NPRL3: variants seen among roughly 807,000 people sequenced by gnomAD.
NPRL3 encodes the protein GATOR1 complex protein NPRL3.
NPRL3 carries 23 observed loss-of-function variants against 57.2 expected under a neutral mutation model. The ratio of observed to expected loss-of-function variants is 0.40; its 90% confidence interval spans 0.29 to 0.57. The LOEUF is 0.57. Ranked by LOEUF, NPRL3 falls within the 20% of genes least tolerant of loss-of-function variation. The pLI is 0.42. For synonymous variants in NPRL3, 333 were observed against 321.1 expected, an observed-to-expected ratio of 1.04 and a Z score of -0.39; for missense variants, 691 against 767.1, an observed-to-expected ratio of 0.90 and a Z score of 1.17.
At chr16:92,078 G>A (rs986221238) in intron 11 of NPRL3, among the ~76,000 whole-genome samples, 5 of 152,140 alleles carry the variant, frequency 3.3e-5, no homozygotes, top group Admixed American at 2.6e-4. Flanking sequence ...GTCCTCTCTA[G>A]GCTCTCTTGA....
intron 13 of NPRL3, among the ~76,000 whole-genome samples, chr16:87,868 CTT>C (rs35061088): frequency 0.014 from 1,984 of 137,436 alleles, 31 homozygotes; most frequent in South Asian, 0.033. Context: ...CCGCGCCTGA[CTT>C]TTTTTTTTTT....
intron 11 of NPRL3, among the ~76,000 whole-genome samples, chr16:92,284 G>A (rs1304687645): frequency 6.6e-6 from 1 of 152,146 alleles, no homozygotes; most frequent in East Asian, 1.9e-4. Flanking sequence ...AGGTCTGTAG[G>A]CCCAGAAAAG....
At chr16:102,305 G>C (rs1899333784) in intron 7 of NPRL3, among the ~76,000 whole-genome samples, 1 of 152,186 alleles carries the variant, frequency 6.6e-6, no homozygotes. Flanking sequence ...CAGAGGAGAT[G>C]CAACTGCTCA....
Position 89,848 on chromosome 16 carries a change from G to A in NPRL3, c.1216C>T (p.Leu406=). ...WMLQRRLLIQ[L]HTYVCLMASP... ...GCCATCAGGCAGACATAGGTGTGCA[G>A]CTGGATGAGAAGCCGGCGCTGCAGC... The change falls in exon 12 of 14, where the codon CTG becomes TTG. Residue 406 remains leucine, a synonymous_variant. Transcript: ENST00000611875. The A allele has an allele frequency of 6.3e-7, 1 of 1,575,860 alleles. No individual in the cohort carries two copies. Among genetic ancestry groups the A allele is most frequent in the Non-Finnish European group, 8.6e-7 (1 of 1,162,270 alleles).
chr16:117,315 C>A lies in NPRL3; in HGVS notation c.379G>T (p.Val127Leu), dbSNP rs1164870312. 1 of 1,611,438 alleles carries A rather than the reference C, an allele frequency of 6.2e-7. No homozygotes were observed. Among genetic ancestry groups the A allele is most frequent in the Admixed American group, 1.7e-5 (1 of 59,932 alleles). ...TAAACACTCACCCTCAGTGCAAACACCACATTAAAAAGAATCATAGTAGGT... is the reference window on the plus strand; with the variant it reads ...TAAACACTCACCCTCAGTGCAAACAACACATTAAAAAGAATCATAGTAGGT... Reference protein sequence around the residue: ...EAPTMILFNVVFALRANADPS... With the variant: ...EAPTMILFNVLFALRANADPS... The change falls in exon 5 of 14, where the codon GTG becomes TTG. Residue 127 changes from valine (V) to leucine (L), a missense_variant. Physicochemically the swap from Val to Leu is conservative, Grantham distance 32. Coordinates refer to ENST00000611875, the MANE Select transcript of NPRL3 (RefSeq NM_001077350.3).
At chr16:107,861 T>C (rs557376455) in intron 7 of NPRL3, among the ~76,000 whole-genome samples, 1 of 152,362 alleles carries the variant, frequency 6.6e-6, no homozygotes, top group African/African-American at 2.4e-5. Context: ...AGCCTGATTT[T>C]TGTTTGTAAT....
chr16:110,437 G>A (rs912799441), intron 7 of NPRL3, 88 bp downstream of exon 7: 20 of 1,017,024 alleles, frequency 2.0e-5, no homozygotes, highest in Middle Eastern at 4.1e-4. Flanking sequence ...GGTCAGTACC[G>A]GGGAGCCCTA....
intron 2 of NPRL3, 26 bp downstream of exon 2, chr16:138,124 C>T: frequency 6.5e-7 from 1 of 1,547,044 alleles, no homozygotes; most frequent in Non-Finnish European, 8.8e-7. Context: ...CCGCGAGCGC[C>T]AGGCCCCCGC....
At chr16:110,291 A>T (rs1899740756) in intron 7 of NPRL3, among the ~76,000 whole-genome samples, 1 of 145,826 alleles carries the variant, frequency 6.9e-6, no homozygotes, top group Admixed American at 6.9e-5. Context: ...ATAAATAGAA[A>T]TAGAAATAAA....
At chr16:126,922 G>C (rs1316447478) in intron 3 of NPRL3, 4 of 152,208 alleles carry the variant, frequency 2.6e-5, no homozygotes, top group Non-Finnish European at 4.4e-5. Flanking sequence ...CCAAGTTGGA[G>C]TGCAGCAATG....
At position 98,314 on chromosome 16, in the gene NPRL3, C is replaced by T. The variant is rs2141920470; in HGVS notation, c.768-13G>A. On this transcript the variant is annotated splice_polypyrimidine_tract_variant and intron_variant, in intron 8 of 13. Coordinates refer to ENST00000611875, the MANE Select transcript of NPRL3 (RefSeq NM_001077350.3). ...GGCATGGTAGGGGCTGCAAAACAAT[C>T]ACCTGTCACGGAACACACGAAGTGC... The T allele has an allele frequency of 6.2e-7, 1 of 1,609,222 alleles. No homozygotes were observed. Among genetic ancestry groups the T allele is most frequent in the Non-Finnish European group, 8.5e-7 (1 of 1,177,988 alleles).
At chr16:119,441 T>A (rs1162266085) in intron 3 of NPRL3, 186 bp from the exon 4 acceptor site, 1 of 610,822 alleles carries the variant, frequency 1.6e-6, no homozygotes, top group African/African-American at 1.8e-5. Flanking sequence ...GGATGTAAGA[T>A]CACCAGAATT....
chr16:105,550 T>C (rs1899489571), intron 7 of NPRL3, among the ~76,000 whole-genome samples: 1 of 152,140 alleles, frequency 6.6e-6, no homozygotes, highest in Admixed American at 6.6e-5. Flanking sequence ...CCAACCCTGC[T>C]CTCGACAGTT....
chr16:113,564 G>A (rs1408205465), intron 5 of NPRL3, among the ~76,000 whole-genome samples: 1 of 152,212 alleles, frequency 6.6e-6, no homozygotes, highest in Non-Finnish European at 1.5e-5. Context: ...AAGGGTGGAG[G>A]CATGCAGCTG....
At chr16:103,286 G>A (rs1358018115) in intron 7 of NPRL3, among the ~76,000 whole-genome samples, 3 of 10,150 alleles carry the variant, frequency 3.0e-4, no homozygotes, top group African/African-American at 7.0e-4. Flanking sequence ...GCAACATCAC[G>A]CCTGGGGTGA....
chr16:90,001 CCT>C, intron 11 of NPRL3, 99 bp from the exon 12 acceptor site: 4 of 1,143,936 alleles, frequency 3.5e-6, no homozygotes, highest in Non-Finnish European at 4.8e-6. Flanking sequence ...CAGCACGCTC[CCT>C]GTGCTGACGC....
intron 2 of NPRL3, among the ~76,000 whole-genome samples, chr16:131,902 T>G (rs1293480722): frequency 6.6e-6 from 1 of 152,234 alleles, no homozygotes; most frequent in Non-Finnish European, 1.5e-5. Context: ...CACTGCTTTA[T>G]CAACTAAGTT....
intron 4 of NPRL3, among the ~76,000 whole-genome samples, chr16:117,977 T>G (rs555444667): frequency 4.9e-4 from 74 of 152,274 alleles, no homozygotes; most frequent in African/African-American, 1.7e-3. Context: ...ACCCATCCCC[T>G]ACCCCTGACT....
chr16:109,975 C>A (rs1281270603), intron 7 of NPRL3, among the ~76,000 whole-genome samples: 3 of 141,866 alleles, frequency 2.1e-5, no homozygotes, highest in African/African-American at 8.0e-5. Context: ...ACTCAGCAAA[C>A]CATTTAAAAA....
Sources: gnomAD v4.1 joint callset for allele counts (sites outside exome capture counted in the v4.1 genomes callset) on GRCh38, gnomAD v4.1.1 for gene constraint, MANE v1.5 for transcripts, NCBI Gene and HGNC (gene_info 2026-07-23, HGNC 2026-07-21) for gene names.